Variants in GALNT10 observed in about 807,000 individuals in gnomAD.
The protein encoded by GALNT10 is polypeptide N-acetylgalactosaminyltransferase 10.
Under a neutral mutation model 75.0 loss-of-function variants are expected in GALNT10, and 41 were observed. That is an observed-to-expected ratio of 0.55 (90% CI 0.43 to 0.71). GALNT10 has a LOEUF of 0.71. Ranked by LOEUF, GALNT10 falls within the 30% of genes least tolerant of loss-of-function variation. GALNT10 has a pLI of 0.00. For synonymous variants in GALNT10, 302 were observed against 313.0 expected, an observed-to-expected ratio of 0.96 and a Z score of 0.37; for missense variants, 727 against 818.5, an observed-to-expected ratio of 0.89 and a Z score of 1.36.
At chr5:154,290,258 A>ATTTTTTTTTTT (rs71577131) in intron 1 of GALNT10, among the ~76,000 whole-genome samples, 1,023 of 98,976 alleles carry the variant, frequency 0.01, 1 homozygote, top group Middle Eastern at 0.017. Context: ...CACTCAGCTA[A>ATTTTTTTTTTT]TTTTTTTTTT....
At chr5:154,338,651 T>C (rs549274808) in intron 4 of GALNT10, among the ~76,000 whole-genome samples, 2 of 152,274 alleles carry the variant, frequency 1.3e-5, no homozygotes, top group Non-Finnish European at 2.9e-5. Context: ...ATGGGCACTT[T>C]GTGAAGTGAA....
At position 154,409,320 on chromosome 5, in the gene GALNT10, A is replaced by C; in HGVS notation, c.1165-221A>C. On this transcript the variant is annotated intron_variant, in intron 8 of 11. Transcript: ENST00000297107. The surrounding 1 kb of genome is among the most constrained non-coding windows in gnomAD (Gnocchi z 4.5). ...GATGGGATGGAAGATGGGCAGGCAA[A>C]ACAACAGCAGCCTATGGGCCAACTA... The C allele has an allele frequency of 3.4e-6, 2 of 581,744 alleles. No individual in the cohort carries two copies. Among genetic ancestry groups the C allele is most frequent in the Admixed American group, 6.1e-5 (2 of 32,876 alleles). The allele number at this position is 581,744 out of a possible 1,614,324, so 36.0% of individuals were successfully genotyped here.
At chr5:154,286,392 T>G (rs1048512063) in intron 1 of GALNT10, among the ~76,000 whole-genome samples, 1 of 152,134 alleles carries the variant, frequency 6.6e-6, no homozygotes, top group Non-Finnish European at 1.5e-5. Flanking sequence ...TTTGTTTTTT[T>G]TTTTTTTTCC....
Position 154,416,931 on chromosome 5 carries a change from C to A in GALNT10, c.1771C>A (p.His591Asn). The change falls in exon 12 of 12, where the codon CAC becomes AAC. Residue 591 changes from histidine (H) to asparagine (N), a missense_variant. Coordinates refer to ENST00000297107, the MANE Select transcript of GALNT10 (RefSeq NM_198321.4). This position sits in a 1 kb window ranked among gnomAD's most constrained non-coding sequence, Gnocchi z 4.5. Reference sequence around the variant, plus strand: ...TCTCACCCAGCAGTGGCTGTTTGAACACACCAACTCAACAGTCTTGGAAAA... The same window carrying A: ...TCTCACCCAGCAGTGGCTGTTTGAAAACACCAACTCAACAGTCTTGGAAAA... ...SSLTQQWLFE[H>N]TNSTVLEKFN... The A allele has an allele frequency of 1.2e-6, 2 of 1,614,112 alleles. No individual in the cohort carries two copies. The highest frequency in any genetic ancestry group is 2.2e-5 in the South Asian group (2 of 91,084).
At chr5:154,267,793 A>G (rs1753800133) in intron 1 of GALNT10, among the ~76,000 whole-genome samples, 1 of 152,206 alleles carries the variant, frequency 6.6e-6, no homozygotes, top group South Asian at 2.1e-4. Context: ...AAAGTACACA[A>G]TGAACTTGCA....
At chr5:154,288,368 G>T (rs1754143027) in intron 1 of GALNT10, among the ~76,000 whole-genome samples, 1 of 151,440 alleles carries the variant, frequency 6.6e-6, no homozygotes, top group Non-Finnish European at 1.5e-5. Flanking sequence ...AAGGCTGCCA[G>T]GCCTGCTAAA....
At chr5:154,335,580 C>A (rs1190869519) in intron 4 of GALNT10, among the ~76,000 whole-genome samples, 2 of 152,190 alleles carry the variant, frequency 1.3e-5, no homozygotes, top group African/African-American at 4.8e-5. Context: ...CATCCATAAC[C>A]TTATCACTTG....
At position 154,329,561 on chromosome 5, in the gene GALNT10, T is replaced by C. The variant is rs760828271; in HGVS notation, c.402-11T>C. The C allele has an allele frequency of 6.2e-7, 1 of 1,612,330 alleles. No homozygotes were observed. Among genetic ancestry groups the C allele is most frequent in the East Asian group, 2.2e-5 (1 of 44,876 alleles). On this transcript the variant is annotated splice_polypyrimidine_tract_variant and intron_variant, in intron 3 of 11. Coordinates refer to ENST00000297107, the MANE Select transcript of GALNT10 (RefSeq NM_198321.4). ...ACCCTGTCCTCTGCCTCCCCTTATG[T>C]TTCCCTCTAGCTGCAACAGCAAGCG...
intron 1 of GALNT10, among the ~76,000 whole-genome samples, chr5:154,293,594 G>GATATATATAT (rs754824803): frequency 1.4e-5 from 2 of 140,724 alleles, no homozygotes; most frequent in African/African-American, 5.7e-5. Context: ...TCTTGGGGCT[G>GATATATATAT]ATATATATAT....
At chr5:154,405,248 G>A (rs1216374288) in intron 8 of GALNT10, among the ~76,000 whole-genome samples, 1 of 152,190 alleles carries the variant, frequency 6.6e-6, no homozygotes, top group Non-Finnish European at 1.5e-5. Flanking sequence ...CTAGAAGAGC[G>A]TTGTCCTGTG....
intron 8 of GALNT10, among the ~76,000 whole-genome samples, chr5:154,406,541 A>G (rs951204450): frequency 6.6e-6 from 1 of 152,238 alleles, no homozygotes; most frequent in African/African-American, 2.4e-5. Flanking sequence ...TCATGCCTGT[A>G]ATCCCAGCAG....
chr5:154,295,016 G>GC, intron 2 of GALNT10, 98 bp downstream of exon 2: 1 of 611,568 alleles, frequency 1.6e-6, no homozygotes, highest in South Asian at 2.2e-5. Context: ...GTGTTCATGT[G>GC]TGTGTTTAGC....
intron 3 of GALNT10, among the ~76,000 whole-genome samples, chr5:154,300,563 A>T (rs542084872): frequency 6.6e-6 from 1 of 152,260 alleles, no homozygotes; most frequent in African/African-American, 2.4e-5. Context: ...TTCTGCAGTG[A>T]GAGAGAGAGA....
At chr5:154,249,833 C>T (rs538979421) in intron 1 of GALNT10, among the ~76,000 whole-genome samples, 4 of 152,276 alleles carry the variant, frequency 2.6e-5, no homozygotes, top group Admixed American at 2.0e-4. Context: ...AGAAGAAAAG[C>T]TTCTCTCTCT....
chr5:154,191,160 C>T, intron 1 of GALNT10, 135 bp downstream of exon 1: 2 of 611,244 alleles, frequency 3.3e-6, no homozygotes, highest in Non-Finnish European at 4.9e-6. Context: ...TCCCATTTTC[C>T]GGATGGGAAA....
At chr5:154,293,616 T>TTTTTTTTTTTTTTTTTTTTTTTTTTTTTC (rs1754231413) in intron 1 of GALNT10, among the ~76,000 whole-genome samples, 1 of 148,686 alleles carries the variant, frequency 6.7e-6, no homozygotes, top group African/African-American at 2.5e-5. Flanking sequence ...TATATATATT[T>TTTTTTTTTTTTTTTTTTTTTTTTTTTTTC]TTTTTTTCCT....
At position 154,201,805 on chromosome 5, in the gene GALNT10, T is replaced by C. The variant is rs1459405755; in HGVS notation, c.159+10780T>C. ...TTAGCCGGGTGTAGTGGCGCACTCC[T>C]GTAATCCCAGCTCCTCAGCAGGCTG... On this transcript the variant is annotated intron_variant, in intron 1 of 11. Transcript: ENST00000297107. Among the ~76,000 whole-genome samples, 4 of 152,122 alleles carry C rather than the reference T, an allele frequency of 2.6e-5. No individual in the cohort carries two copies. The South Asian group carries it at 6.2e-4, about 24-fold the overall frequency.
At chr5:154,334,883 G>T (rs1466035510) in intron 4 of GALNT10, among the ~76,000 whole-genome samples, 1 of 152,184 alleles carries the variant, frequency 6.6e-6, no homozygotes, top group African/African-American at 2.4e-5. Context: ...TGAGGCCAGG[G>T]TCAATAGTCC....
intron 1 of GALNT10, among the ~76,000 whole-genome samples, chr5:154,230,302 A>T (rs953384946): frequency 6.6e-6 from 1 of 152,190 alleles, no homozygotes. Flanking sequence ...AAGTGTATCA[A>T]GTCATTTGGG....
Sources: gnomAD v4.1 joint callset for allele counts (sites outside exome capture counted in the v4.1 genomes callset) on GRCh38, gnomAD v4.1.1 for gene constraint, Gnocchi (gnomAD v3.1) non-coding constraint, MANE v1.5 for transcripts, NCBI Gene and HGNC (gene_info 2026-07-23, HGNC 2026-07-21) for gene names.